CSMD3: variants seen among roughly 807,000 people sequenced by gnomAD.
The protein encoded by CSMD3 is CUB and Sushi multiple domains 3, also known as CUB and sushi domain-containing protein 3.
In CSMD3, 177 loss-of-function variants were observed where a neutral mutation model predicts 435.2. That is an observed-to-expected ratio of 0.41 (90% CI 0.36 to 0.46). CSMD3 has a LOEUF of 0.46. CSMD3 is among the 20% of genes least tolerant of loss of function. The pLI is 0.34. For missense variants in CSMD3, 4,265 were observed against 4,504.6 expected, an observed-to-expected ratio of 0.95 and a Z score of 1.52; for synonymous variants, 1,656 against 1,520.5, an observed-to-expected ratio of 1.09 and a Z score of -2.07.
chr8:113,268,671 A>C (rs1252484103), intron 3 of CSMD3, among the ~76,000 whole-genome samples: 1 of 152,064 alleles, frequency 6.6e-6, no homozygotes, highest in Middle Eastern at 3.2e-3. Context: ...AAATGGGCTA[A>C]AGAAGGCTAA....
chr8:112,386,850 G>T (rs546586557), intron 36 of CSMD3, among the ~76,000 whole-genome samples: 1 of 152,252 alleles, frequency 6.6e-6, no homozygotes, highest in Admixed American at 6.5e-5. Flanking sequence ...GAGTAACTTT[G>T]CGTTAGATAT....
intron 11 of CSMD3, among the ~76,000 whole-genome samples, chr8:112,833,688 GTA>G (rs919840301): frequency 4.7e-5 from 7 of 148,726 alleles, no homozygotes; most frequent in Non-Finnish European, 7.4e-5. Flanking sequence ...ATATATGTGT[GTA>G]TGTGTGTGTG....
intron 11 of CSMD3, among the ~76,000 whole-genome samples, chr8:112,832,531 C>T (rs1246986091): frequency 6.6e-6 from 1 of 152,092 alleles, no homozygotes; most frequent in African/African-American, 2.4e-5. Flanking sequence ...TCCTGTTGGC[C>T]TTGAAGATAC....
At chr8:112,686,573 A>C (rs1213356769) in intron 14 of CSMD3, among the ~76,000 whole-genome samples, 6 of 147,020 alleles carry the variant, frequency 4.1e-5, no homozygotes, top group African/African-American at 7.6e-5. Flanking sequence ...TGCAACCTCC[A>C]CCTTCCGGGT....
intron 12 of CSMD3, among the ~76,000 whole-genome samples, chr8:112,805,754 G>C (rs1350306175): frequency 6.6e-6 from 1 of 152,110 alleles, no homozygotes; most frequent in Non-Finnish European, 1.5e-5. Flanking sequence ...TTCTGTTGCT[G>C]TTTGCTGTTT....
At chr8:112,230,299 A>G (rs1812969993) in intron 69 of CSMD3, among the ~76,000 whole-genome samples, 1 of 152,224 alleles carries the variant, frequency 6.6e-6, no homozygotes, top group Non-Finnish European at 1.5e-5. Context: ...TGTTTTTAAG[A>G]CAAACACAGG....
At chr8:113,009,538 A>T (rs1439963668) in intron 6 of CSMD3, among the ~76,000 whole-genome samples, 2 of 151,828 alleles carry the variant, frequency 1.3e-5, no homozygotes, top group Non-Finnish European at 2.9e-5. Context: ...AGCCCTTGTC[A>T]CGTTGAAAAA....
intron 22 of CSMD3, among the ~76,000 whole-genome samples, chr8:112,616,902 A>C (rs941526584): frequency 3.4e-4 from 52 of 152,326 alleles, no homozygotes; most frequent in African/African-American, 1.2e-3. Context: ...ATGTACCTTT[A>C]AGAGGGAAAA....
At chr8:112,536,920 CA>C (rs1826154812) in intron 27 of CSMD3, among the ~76,000 whole-genome samples, 1 of 151,558 alleles carries the variant, frequency 6.6e-6, no homozygotes, top group Admixed American at 6.6e-5. Flanking sequence ...ATTGCAAGAA[CA>C]AAAAACCAAA....
intron 22 of CSMD3, among the ~76,000 whole-genome samples, chr8:112,593,988 A>G (rs1831429812): frequency 6.6e-6 from 1 of 152,134 alleles, no homozygotes; most frequent in African/African-American, 2.4e-5. Context: ...TTATATTTTA[A>G]GTGAAAGGAA....
intron 22 of CSMD3, among the ~76,000 whole-genome samples, chr8:112,609,588 T>G (rs1487609708): frequency 1.3e-5 from 2 of 152,128 alleles, no homozygotes; most frequent in African/African-American, 2.4e-5. Context: ...GGCACAGCTA[T>G]ATAGAAAACA....
At chr8:112,770,030 T>C (rs1265162699) in intron 13 of CSMD3, among the ~76,000 whole-genome samples, 2 of 151,994 alleles carry the variant, frequency 1.3e-5, no homozygotes, top group Non-Finnish European at 2.9e-5. Context: ...TAATAATAAA[T>C]CAACACAAAA....
At chr8:112,549,558 C>T (rs141263955) in intron 27 of CSMD3, among the ~76,000 whole-genome samples, 165 of 152,000 alleles carry the variant, frequency 1.1e-3, no homozygotes, top group African/African-American at 3.4e-3. Context: ...TTACTTAAAA[C>T]GGTATATTTT....
chr8:112,642,000 GA>G (rs1228946864), intron 20 of CSMD3, among the ~76,000 whole-genome samples: 3 of 152,030 alleles, frequency 2.0e-5, no homozygotes, highest in Non-Finnish European at 4.4e-5. Flanking sequence ...AAGGCAGGGA[GA>G]AAAAGTCAGT....
chr8:112,438,837 AT>A (rs1814666086), intron 32 of CSMD3, among the ~76,000 whole-genome samples: 1 of 152,210 alleles, frequency 6.6e-6, no homozygotes, highest in Non-Finnish European at 1.5e-5. Flanking sequence ...CAAATTCAGT[AT>A]AATTGTGTAA....
At chr8:112,483,820 T>A (rs200585812) in intron 31 of CSMD3, among the ~76,000 whole-genome samples, 2 of 152,200 alleles carry the variant, frequency 1.3e-5, no homozygotes, top group East Asian at 3.9e-4. Flanking sequence ...TAGGAATGCC[T>A]TTAAGTGATC....
chr8:112,637,054 A>G (rs762853198), intron 21 of CSMD3, 49 bp from the exon 22 acceptor site: 30 of 1,405,334 alleles, frequency 2.1e-5, no homozygotes, highest in Admixed American at 1.0e-4. Flanking sequence ...AAGGACAAAG[A>G]AAATGATAGT....
intron 4 of CSMD3, among the ~76,000 whole-genome samples, chr8:113,149,648 C>A (rs2091759940): frequency 6.6e-6 from 1 of 151,818 alleles, no homozygotes; most frequent in Admixed American, 6.6e-5. Flanking sequence ...ATGGTGTAAT[C>A]CCAAAATTTA....
At chr8:113,066,518 C>A (rs1008310851) in intron 5 of CSMD3, among the ~76,000 whole-genome samples, 3 of 152,054 alleles carry the variant, frequency 2.0e-5, no homozygotes, top group African/African-American at 7.2e-5. Context: ...TAAGAGAATT[C>A]TTTTCAGTGG....
Sources: gnomAD v4.1 joint callset for allele counts (sites outside exome capture counted in the v4.1 genomes callset) on GRCh38, gnomAD v4.1.1 for gene constraint, MANE v1.5 for transcripts, NCBI Gene and HGNC (gene_info 2026-07-23, HGNC 2026-07-21) for gene names.